The following FOXRED2 variants were observed in gnomAD, a reference collection of about 807,000 sequenced individuals.
FOXRED2 encodes the protein FAD dependent oxidoreductase domain containing 2, also known as FAD-dependent oxidoreductase domain-containing protein 2.
FOXRED2 carries 32 observed loss-of-function variants against 52.5 expected under a neutral mutation model. The observed-to-expected ratio is 0.61, with a 90% CI of 0.46 to 0.82. FOXRED2 has a LOEUF of 0.82. Ranked by LOEUF, FOXRED2 falls within the 40% of genes least tolerant of loss-of-function variation. FOXRED2 has a pLI of 0.00. For missense variants in FOXRED2, 848 were observed against 937.5 expected, an observed-to-expected ratio of 0.90 and a Z score of 1.25; for synonymous variants, 405 against 398.1, an observed-to-expected ratio of 1.02 and a Z score of -0.21.
chr22:36,496,293 G>C, intron 6 of FOXRED2, 85 bp from the exon 7 acceptor site: 1 of 1,516,886 alleles, frequency 6.6e-7, no homozygotes, highest in Non-Finnish European at 9.0e-7. Flanking sequence ...GTGTGTGTGC[G>C]TGTGTATCTC....
chr22:36,505,262 G>A (rs562251182), intron 2 of FOXRED2, among the ~76,000 whole-genome samples: 2 of 152,360 alleles, frequency 1.3e-5, no homozygotes, highest in African/African-American at 4.8e-5. Context: ...GAGGTGGTAT[G>A]TGGCCTGCTT....
chr22:36,492,065 G>C (rs1933770305), intron 8 of FOXRED2, among the ~76,000 whole-genome samples: 1 of 152,152 alleles, frequency 6.6e-6, no homozygotes, highest in African/African-American at 2.4e-5. Context: ...GCTGAAAGGT[G>C]CTCCAGAAAT....
At chr22:36,496,247 T>C (rs1947842305) in intron 6 of FOXRED2, 39 bp from the exon 7 acceptor site, 4 of 1,610,512 alleles carry the variant, frequency 2.5e-6, no homozygotes, top group Non-Finnish European at 3.4e-6. Context: ...CTCAGTGCTG[T>C]GGCAGAGGTG....
chr22:36,506,724 T>G, intron 1 of FOXRED2: 8 of 329,214 alleles, frequency 2.4e-5, no homozygotes, highest in East Asian at 4.7e-5. Flanking sequence ...CTCCCCAATT[T>G]TCCCCTAATT....
chr22:36,496,876 C>T (rs1933913871), intron 6 of FOXRED2, among the ~76,000 whole-genome samples: 1 of 152,098 alleles, frequency 6.6e-6, no homozygotes, highest in South Asian at 2.1e-4. Context: ...CCATGGTTTG[C>T]ATGTGGGGTG....
At chr22:36,499,585 C>CA (rs1933990701) in intron 5 of FOXRED2, among the ~76,000 whole-genome samples, 1 of 152,052 alleles carries the variant, frequency 6.6e-6, no homozygotes, top group African/African-American at 2.4e-5. Flanking sequence ...GAGATGGCGC[C>CA]ATTGTACTCC....
rs771365373 is a variant in FOXRED2 at position 36,498,065 on chromosome 22, G to A, written c.1308C>T (p.Ile436=). 117 of 1,613,912 alleles carry A rather than the reference G, an allele frequency of 7.2e-5. No homozygotes were observed. The highest frequency in any genetic ancestry group is 9.2e-5 in the Non-Finnish European group (108 of 1,180,038). ...ELPITQLTSS[I]VRRVNEASGL... ...CAGAAGCCTCATTCACGCGCCGCAC[G>A]ATGGAGCTGGTCAGCTGTGTGATGG... The change falls in exon 6 of 9, where the codon ATC becomes ATT. Residue 436 remains isoleucine (I), a synonymous_variant. Coordinates refer to ENST00000397224, the MANE Select transcript of FOXRED2 (RefSeq NM_001102371.2).
In FOXRED2 at chr22:36,497,514, C is replaced by A. The variant is rs543881910; in HGVS notation, c.1382+477G>T. ...TTGCTTCTCCCTGCCACCTGTCTCC[C>A]CCCGCCCCTCACCCCTCTGTGCTCT... On this transcript the variant is annotated intron_variant, in intron 6 of 8. Coordinates refer to ENST00000397224, the MANE Select transcript of FOXRED2 (RefSeq NM_001102371.2). 1.7e-4 allele frequency among the ~76,000 whole-genome samples: 26 copies of A among 152,248 alleles called. No homozygotes were observed. The Middle Eastern group carries it at 0.014, about 80-fold the overall frequency.
intron 4 of FOXRED2, among the ~76,000 whole-genome samples, chr22:36,501,849 G>T (rs1056912171): frequency 6.6e-6 from 1 of 152,138 alleles, no homozygotes; most frequent in Admixed American, 6.5e-5. Flanking sequence ...ACCCCAGGAG[G>T]TGGGTATTAT....
chr22:36,496,666 G>A (rs1040877053), intron 6 of FOXRED2, among the ~76,000 whole-genome samples: 5 of 152,234 alleles, frequency 3.3e-5, no homozygotes, highest in African/African-American at 1.2e-4. Flanking sequence ...GGACTGAGCA[G>A]AGCTGGGATC....
intron 8 of FOXRED2, among the ~76,000 whole-genome samples, chr22:36,491,932 C>A (rs1184214436): frequency 6.6e-6 from 1 of 152,120 alleles, no homozygotes; most frequent in Non-Finnish European, 1.5e-5. Flanking sequence ...GACAGAGTGT[C>A]AGGAATGGGC....
intron 2 of FOXRED2, 137 bp from the exon 3 acceptor site, chr22:36,504,903 A>C: frequency 1.1e-6 from 1 of 893,008 alleles, no homozygotes; most frequent in African/African-American, 1.7e-5. Context: ...ACATTCATTC[A>C]TTCATTTTTC....
chr22:36,492,753 G>A (rs1274198766), intron 8 of FOXRED2, among the ~76,000 whole-genome samples: 1 of 152,140 alleles, frequency 6.6e-6, no homozygotes, highest in Non-Finnish European at 1.5e-5. Context: ...CCTGACCTCA[G>A]GTGATCCACC....
chr22:36,493,840 G>A (rs1188418929), intron 7 of FOXRED2, 37 bp from the exon 8 acceptor site: 2 of 1,599,270 alleles, frequency 1.3e-6, no homozygotes, highest in Non-Finnish European at 1.7e-6. Flanking sequence ...TCAGAGCTGT[G>A]AGGCTGGGCT....
In FOXRED2 at chr22:36,496,032, G is replaced by A. The variant is rs946730514; in HGVS notation, c.1559C>T (p.Thr520Ile). 18 of 1,614,222 alleles carry A rather than the reference G, an allele frequency of 1.1e-5. No homozygotes were observed. The highest frequency in any genetic ancestry group is 2.7e-5 in the African/African-American group (2 of 75,054). The change falls in exon 7 of 9, where the codon ACA (threonine) becomes ATA (isoleucine). Residue 520 changes from threonine (T) to isoleucine (I), a missense_variant. Transcript: ENST00000397224. ...VFFDDRSVGH[T>I]EDAWQSNFLH... ...AAAGTTAGACTGCCAGGCATCTTCT[G>A]TGTGCCCCACAGACCGGTCATCAAA... is the stretch of plus-strand genomic sequence containing the variant.
At chr22:36,504,026 C>A (rs906962768) in intron 4 of FOXRED2, 72 bp downstream of exon 4, 3 of 1,515,070 alleles carry the variant, frequency 2.0e-6, no homozygotes, top group Non-Finnish European at 2.7e-6. Flanking sequence ...TACTGAACAG[C>A]CACCCTGTTC....
At position 36,489,867 on chromosome 22, in the gene FOXRED2, T is replaced by C. The variant is rs1295835033; in HGVS notation, c.*141A>G. ...AGCCCTCACGTGCCATCTGGTGGCTTTGCTGCAGACACTGCCATGATCTGA... is the reference window on the plus strand; with the variant it reads ...AGCCCTCACGTGCCATCTGGTGGCTCTGCTGCAGACACTGCCATGATCTGA... On this transcript the variant is annotated 3_prime_UTR_variant, in exon 9 of 9. Coordinates refer to ENST00000397224, the MANE Select transcript of FOXRED2 (RefSeq NM_001102371.2). The C allele has an allele frequency of 1.2e-6, 1 of 850,618 alleles. No individual in the cohort carries two copies. Among genetic ancestry groups the C allele is most frequent in the Non-Finnish European group, 1.7e-6 (1 of 593,788 alleles). 52.7% of individuals were successfully genotyped at this position (850,618 alleles called of 1,614,324 possible).
Position 36,502,685 on chromosome 22 carries a change from C to G in FOXRED2, c.1050-1278G>C, listed in dbSNP as rs116417608. 5.6e-3 allele frequency among the ~76,000 whole-genome samples: 854 copies of G among 151,984 alleles called. 9 individuals are homozygous for G. The highest frequency in any genetic ancestry group is 0.02 in the African/African-American group (811 of 41,444). On this transcript the variant is annotated intron_variant, in intron 4 of 8. Coordinates refer to ENST00000397224, the MANE Select transcript of FOXRED2 (RefSeq NM_001102371.2). ...TTCTCCCCTCTCTCTCCTTCCTTCT[C>G]TCCTCTCTCTTTTTTTGTTTTTGAG...
chr22:36,506,039 G>A lies in FOXRED2; in HGVS notation c.384C>T (p.Tyr128=). Reference sequence around the variant, plus strand: ...CCAGCGTGTCCGCGAAGTCACCCAGGTAGCGCACCATGTCGCGGGCGTCGG... The same window carrying A: ...CCAGCGTGTCCGCGAAGTCACCCAGATAGCGCACCATGTCGCGGGCGTCGG... ...YFPDARDMVR[Y]LGDFADTLGL... is the part of the protein sequence containing the mutation. The change falls in exon 2 of 9, where the codon TAC becomes TAT. Residue 128 remains tyrosine (Y), a synonymous_variant. Transcript: ENST00000397224. 1 of 1,614,264 alleles carries A rather than the reference G, an allele frequency of 6.2e-7. No individual in the cohort carries two copies. The highest frequency in any genetic ancestry group is 8.5e-7 in the Non-Finnish European group (1 of 1,180,048).
Sources: allele counts gnomAD v4.1 joint callset (sites outside exome capture counted in the v4.1 genomes callset), GRCh38; gene constraint gnomAD v4.1.1; transcripts MANE v1.5; gene names NCBI Gene and HGNC (gene_info 2026-07-23, HGNC 2026-07-21).